Variants in KIF24 observed in about 807,000 individuals in gnomAD.
KIF24 encodes kinesin family member 24, also known as kinesin-like protein KIF24.
KIF24 carries 81 observed loss-of-function variants against 118.9 expected under a neutral mutation model. The ratio of observed to expected loss-of-function variants is 0.68; its 90% CI spans 0.57 to 0.82. KIF24 has a LOEUF of 0.82. KIF24 is among the 40% of genes least tolerant of loss of function. KIF24 has a pLI of 0.00. For missense variants in KIF24, 1,560 were observed against 1,661.6 expected, an observed-to-expected ratio of 0.94 and a Z score of 1.06; for synonymous variants, 599 against 610.0, an observed-to-expected ratio of 0.98 and a Z score of 0.27.
intron 1 of KIF24, among the ~76,000 whole-genome samples, chr9:34,313,684 A>G (rs1837241109): frequency 6.6e-6 from 1 of 151,614 alleles, no homozygotes; most frequent in Non-Finnish European, 1.5e-5. Context: ...TGAAAGGTAT[A>G]AAAACTTCCC....
intron 2 of KIF24, among the ~76,000 whole-genome samples, chr9:34,307,443 T>C (rs1836968191): frequency 6.6e-6 from 1 of 152,018 alleles, no homozygotes; most frequent in African/African-American, 2.4e-5. Context: ...ATATAATGAA[T>C]GCATAAAGCA....
At chr9:34,258,476 A>G (rs1834940067) in intron 10 of KIF24, among the ~76,000 whole-genome samples, 1 of 152,194 alleles carries the variant, frequency 6.6e-6, no homozygotes, top group South Asian at 2.1e-4. Context: ...TCTTTAAAAA[A>G]CAAACGAGAA....
At chr9:34,306,607 C>T (rs1563958557) in intron 2 of KIF24, among the ~76,000 whole-genome samples, 166 bp from the exon 3 acceptor site, 1 of 152,088 alleles carries the variant, frequency 6.6e-6, no homozygotes, top group Non-Finnish European at 1.5e-5. Flanking sequence ...TCAAGACCAT[C>T]CTGGCTAACA....
In KIF24 at chr9:34,318,988, G is replaced by A. The variant is rs945865898; in HGVS notation, c.-25-7617C>T. ...AGGTCACCAAGGACATGGAGTGCATGGATGGCGCCCTGCTTGTCAACACCA... is the reference window on the plus strand; with the variant it reads ...AGGTCACCAAGGACATGGAGTGCATAGATGGCGCCCTGCTTGTCAACACCA... On this transcript the variant is annotated intron_variant, in intron 1 of 12. Transcript: ENST00000402558. This position sits in a 1 kb window ranked among gnomAD's most constrained non-coding sequence, Gnocchi z 4.9. The A allele has an allele frequency of 7.9e-7, 1 of 1,261,832 alleles. No individual in the cohort carries two copies. The highest frequency in any genetic ancestry group is 1.2e-6 in the Non-Finnish European group (1 of 863,752). The allele number at this position is 1,261,832 out of a possible 1,614,324, so 78.2% of individuals were successfully genotyped here. A position where few individuals can be genotyped will look rare whatever the true frequency, so the allele number is the denominator to read the frequency against.
rs1028939614 is a variant in KIF24 at position 34,254,941 on chromosome 9, G to C, written c.3966+131C>G. ...AAAGGCGTGGCAAGAGGAGGTGTGAGGCCTCAGTTATGGTTAGTGTGTGCC... is the reference window on the plus strand; with the variant it reads ...AAAGGCGTGGCAAGAGGAGGTGTGACGCCTCAGTTATGGTTAGTGTGTGCC... On this transcript the variant is annotated intron_variant, in intron 12 of 12. Transcript: ENST00000402558. 7 of 639,580 alleles carry C rather than the reference G, an allele frequency of 1.1e-5. No individual in the cohort carries two copies. The African/African-American group carries it at 1.3e-4, about 12-fold the overall frequency. The allele number at this position is 639,580 out of a possible 1,614,324, so 39.6% of individuals were successfully genotyped here. A position where few individuals can be genotyped will look rare whatever the true frequency, so the allele number is the denominator to read the frequency against.
chr9:34,257,540 G>T lies in KIF24; in HGVS notation c.2067C>A (p.Gly689=), dbSNP rs1354397036. The T allele has an allele frequency of 6.2e-7, 1 of 1,614,076 alleles. No homozygotes were observed. The highest frequency in any genetic ancestry group is 8.5e-7 in the Non-Finnish European group (1 of 1,179,908). ...TVLGWESRAS[G]PGEGLVRGKL... is the part of the protein sequence containing the mutation. ...TACCACGCACTAGGCCTTCTCCTGGGCCTGAGGCCCTGCTTTCCCACCCAA... is the reference window on the plus strand; with the variant it reads ...TACCACGCACTAGGCCTTCTCCTGGTCCTGAGGCCCTGCTTTCCCACCCAA... Residue 689 remains glycine, a synonymous_variant, in exon 11 of 13, where the codon GGC becomes GGA. Coordinates refer to ENST00000402558, the MANE Select transcript of KIF24 (RefSeq NM_194313.4).
At chr9:34,268,155 A>G (rs1835362241) in intron 8 of KIF24, among the ~76,000 whole-genome samples, 1 of 152,136 alleles carries the variant, frequency 6.6e-6, no homozygotes. Context: ...TCTCTTTGAG[A>G]TACATTTAAA....
intron 2 of KIF24, among the ~76,000 whole-genome samples, chr9:34,306,960 C>CA (rs1384779204): frequency 2.3e-4 from 35 of 152,220 alleles, no homozygotes; most frequent in Admixed American, 7.2e-4. Context: ...AGAACAACAA[C>CA]AAAAAACCAA....
upstream of KIF24, among the ~76,000 whole-genome samples, chr9:34,332,413 A>G (rs1444125172): frequency 6.6e-6 from 1 of 152,156 alleles, no homozygotes; most frequent in Non-Finnish European, 1.5e-5. Context: ...AATGTCTTCC[A>G]CTTTCACTAG....
intron 12 of KIF24, 69 bp from the exon 13 acceptor site, chr9:34,254,589 G>T: frequency 6.6e-7 from 1 of 1,510,854 alleles, no homozygotes; most frequent in South Asian, 1.2e-5. Flanking sequence ...TGCTTTTTCA[G>T]TCCCTCCTCT....
At chr9:34,319,373 C>A in intron 1 of KIF24, 1 of 878,880 alleles carries the variant, frequency 1.1e-6, no homozygotes, top group South Asian at 1.3e-5. Flanking sequence ...CTAGGCTTGG[C>A]CTGACTGAGG....
upstream of KIF24, among the ~76,000 whole-genome samples, chr9:34,333,644 C>CAAAAAA (rs34830977): frequency 1.1e-4 from 5 of 47,100 alleles, no homozygotes; most frequent in Admixed American, 3.4e-4. Flanking sequence ...GAGACATTGT[C>CAAAAAA]AAAAAAAAAA....
intron 6 of KIF24, 23 bp downstream of exon 6, chr9:34,286,594 A>T: frequency 6.5e-7 from 1 of 1,528,062 alleles, no homozygotes; most frequent in Non-Finnish European, 9.1e-7. Flanking sequence ...TGGTGGGGTA[A>T]TAAAGAAGGA....
At position 34,259,710 on chromosome 9, in the gene KIF24, C is replaced by T; in HGVS notation, c.1516-5G>A. On this transcript the variant is annotated splice_polypyrimidine_tract_variant and splice_region_variant and intron_variant, in intron 9 of 12. Coordinates refer to ENST00000402558, the MANE Select transcript of KIF24 (RefSeq NM_194313.4). ...GATGAAAGAGTCCTTCAGGACCTGT[C>T]CAAAACAGAAGGCAGGTCAATGAGT... 3 of 1,603,360 alleles carry T rather than the reference C, an allele frequency of 1.9e-6. No homozygotes were observed. Among genetic ancestry groups the T allele is most frequent in the Non-Finnish European group, 2.6e-6 (3 of 1,170,334 alleles).
chr9:34,332,290 GGTAAACTA>G (rs1387004930), upstream of KIF24, among the ~76,000 whole-genome samples: 2 of 152,108 alleles, frequency 1.3e-5, no homozygotes, highest in Non-Finnish European at 2.9e-5. Context: ...CCTTCTGCCT[GGTAAACTA>G]GTGACCCATC....
chr9:34,306,671 G>A (rs1057034671), intron 2 of KIF24, among the ~76,000 whole-genome samples: 17 of 151,968 alleles, frequency 1.1e-4, no homozygotes, highest in Admixed American at 5.9e-4. Flanking sequence ...GCATAGTGGC[G>A]TGCGCCTGTA....
chr9:34,297,655 G>A (rs562928459), intron 3 of KIF24, among the ~76,000 whole-genome samples: 3 of 151,930 alleles, frequency 2.0e-5, no homozygotes, highest in East Asian at 1.9e-4. Flanking sequence ...CCAGCTACTC[G>A]GGAGGCTGAG....
intron 4 of KIF24, among the ~76,000 whole-genome samples, chr9:34,295,653 G>C (rs540573107): frequency 7.9e-5 from 12 of 152,078 alleles, no homozygotes; most frequent in Non-Finnish European, 1.5e-4. Context: ...ACTTTGGCCT[G>C]GGTGACAGAG....
intron 3 of KIF24, among the ~76,000 whole-genome samples, chr9:34,300,298 T>C (rs1563955493): frequency 2.0e-5 from 3 of 152,088 alleles, no homozygotes; most frequent in African/African-American, 7.2e-5. Flanking sequence ...GACAGGCACA[T>C]AGAGAGGTCA....
Sources: gnomAD v4.1 joint callset for allele counts (sites outside exome capture counted in the v4.1 genomes callset) on GRCh38, gnomAD v4.1.1 for gene constraint, Gnocchi (gnomAD v3.1) non-coding constraint, MANE v1.5 for transcripts, NCBI Gene and HGNC (gene_info 2026-07-23, HGNC 2026-07-21) for gene names.